SNTG2: variants seen among roughly 807,000 people sequenced by gnomAD.
SNTG2 encodes the protein syntrophin gamma 2.
In SNTG2, 74 loss-of-function variants were observed where a neutral mutation model predicts 70.9. That is an observed-to-expected ratio of 1.04 (90% CI 0.86 to 1.27). The LOEUF (loss-of-function observed/expected upper bound fraction) is 1.27, where lower values mean the gene tolerates loss of function less well. Ranked by LOEUF, SNTG2 falls within the 50% of genes most tolerant of loss-of-function variation. SNTG2 has a pLI of 0.00. For missense variants in SNTG2, 717 were observed against 690.7 expected (o/e 1.04, Z -0.43); for synonymous variants, 278 against 273.8 (o/e 1.02, Z -0.15).
At chr2:1,228,894 G>A (rs1159761788) in intron 9 of SNTG2, among the ~76,000 whole-genome samples, 3 of 152,058 alleles carry the variant, frequency 2.0e-5, no homozygotes, top group Non-Finnish European at 2.9e-5. Flanking sequence ...TGGTGGGTTC[G>A]TGGTCTCGCT....
chr2:980,272 C>G (rs1298878694), intron 1 of SNTG2, among the ~76,000 whole-genome samples: 1 of 152,186 alleles, frequency 6.6e-6, no homozygotes, highest in Non-Finnish European at 1.5e-5. Context: ...TGGGCCTCCT[C>G]TTTAAAGGTG....
chr2:1,135,653 C>A (rs564646036), intron 4 of SNTG2, among the ~76,000 whole-genome samples: 82 of 152,268 alleles, frequency 5.4e-4, no homozygotes, highest in African/African-American at 1.8e-3. Flanking sequence ...ACCCAGGAGG[C>A]AGAGGTTGCA....
intron 13 of SNTG2, among the ~76,000 whole-genome samples, chr2:1,260,394 A>AAAG (rs2148166682): frequency 1.3e-5 from 2 of 152,204 alleles, no homozygotes; most frequent in African/African-American, 4.8e-5. Context: ...TTTTTGAAAA[A>AAAG]TTTATTTGGG....
At chr2:1,034,614 G>C (rs527541374) in intron 1 of SNTG2, among the ~76,000 whole-genome samples, 1 of 152,122 alleles carries the variant, frequency 6.6e-6, no homozygotes. Context: ...AACATCACCA[G>C]CATCTGTTAT....
At chr2:1,118,238 G>C (rs1233191697) in intron 4 of SNTG2, among the ~76,000 whole-genome samples, 1 of 152,026 alleles carries the variant, frequency 6.6e-6, no homozygotes, top group Non-Finnish European at 1.5e-5. Context: ...GCAGCTGCTT[G>C]TGGGCCGTGT....
At chr2:1,170,591 G>C (rs1437482996) in intron 7 of SNTG2, among the ~76,000 whole-genome samples, 1 of 151,156 alleles carries the variant, frequency 6.6e-6, no homozygotes, top group Non-Finnish European at 1.5e-5. Context: ...ATGCCTTTGT[G>C]TCTGGCATCT....
At chr2:963,546 T>C (rs1454168590) in intron 1 of SNTG2, among the ~76,000 whole-genome samples, 1 of 152,174 alleles carries the variant, frequency 6.6e-6, no homozygotes, top group Admixed American at 6.5e-5. Context: ...ATAATGTTCT[T>C]ATTGAAATAA....
intron 2 of SNTG2, among the ~76,000 whole-genome samples, chr2:1,084,271 C>G (rs1364946081): frequency 6.6e-6 from 1 of 152,176 alleles, no homozygotes. Flanking sequence ...CCCCCTTACT[C>G]GCAATCCTGT....
At chr2:1,340,021 G>T (rs988765383) in intron 16 of SNTG2, among the ~76,000 whole-genome samples, 2 of 152,250 alleles carry the variant, frequency 1.3e-5, no homozygotes, top group African/African-American at 4.8e-5. Context: ...TCCCAGAGGG[G>T]TGGAAGCTCT....
intron 2 of SNTG2, among the ~76,000 whole-genome samples, chr2:1,088,736 A>C (rs1462198233): frequency 6.6e-6 from 1 of 152,208 alleles, no homozygotes; most frequent in Non-Finnish European, 1.5e-5. Flanking sequence ...AGGGCCTACC[A>C]GATGTCTTGC....
At chr2:1,178,700 T>C (rs1187121758) in intron 8 of SNTG2, among the ~76,000 whole-genome samples, 3 of 152,044 alleles carry the variant, frequency 2.0e-5, no homozygotes, top group Non-Finnish European at 4.4e-5. Context: ...CTGGATTCAG[T>C]TTGCCAGTAT....
intron 6 of SNTG2, among the ~76,000 whole-genome samples, chr2:1,159,036 GTGTGCATGTA>G (rs1372895166): frequency 6.6e-6 from 1 of 152,178 alleles, no homozygotes; most frequent in Non-Finnish European, 1.5e-5. Flanking sequence ...GTGTGCATGT[GTGTGCATGTA>G]TGTGTCCACG....
intron 14 of SNTG2, among the ~76,000 whole-genome samples, chr2:1,307,389 G>A (rs1470250479): frequency 6.8e-6 from 1 of 147,158 alleles, no homozygotes; most frequent in Non-Finnish European, 1.5e-5. Context: ...TGTTAGCGGT[G>A]CACTGTGTCT....
At chr2:1,263,457 A>G (rs1327479238) in intron 13 of SNTG2, among the ~76,000 whole-genome samples, 1 of 152,182 alleles carries the variant, frequency 6.6e-6, no homozygotes, top group Non-Finnish European at 1.5e-5. Context: ...GTTTCATAAT[A>G]AATATAAATA....
intron 4 of SNTG2, among the ~76,000 whole-genome samples, chr2:1,100,316 G>A (rs550372478): frequency 3.3e-5 from 5 of 152,150 alleles, no homozygotes; most frequent in Admixed American, 1.3e-4. Flanking sequence ...ACAGGTGCCC[G>A]CCACCACGCC....
intron 6 of SNTG2, among the ~76,000 whole-genome samples, chr2:1,142,884 A>G (rs1668848341): frequency 6.6e-6 from 1 of 152,326 alleles, no homozygotes; most frequent in East Asian, 1.9e-4. Flanking sequence ...TGTCATGACC[A>G]TTGCATTGCA....
chr2:1,213,827 T>G (rs931265708), intron 9 of SNTG2, among the ~76,000 whole-genome samples: 3 of 152,240 alleles, frequency 2.0e-5, no homozygotes, highest in African/African-American at 7.2e-5. Context: ...AAGAAATCAT[T>G]AACCAAATAA....
chr2:1,239,865 G>A, intron 11 of SNTG2, 89 bp downstream of exon 11: 6 of 1,489,052 alleles, frequency 4.0e-6, no homozygotes, highest in Non-Finnish European at 3.7e-6. Context: ...TCGAAAAGCA[G>A]TCTCTGGTTT....
At chr2:1,177,740 A>AT (rs924802424) in intron 8 of SNTG2, among the ~76,000 whole-genome samples, 14 of 151,828 alleles carry the variant, frequency 9.2e-5, no homozygotes, top group Admixed American at 5.2e-4. Flanking sequence ...CTTTAAATTT[A>AT]TTTTTTTTGA....
Sources: allele counts gnomAD v4.1 joint callset (sites outside exome capture counted in the v4.1 genomes callset), GRCh38; gene constraint gnomAD v4.1.1; transcripts MANE v1.5; gene names NCBI Gene and HGNC (gene_info 2026-07-23, HGNC 2026-07-21).